Variants in CSMD1 observed in about 807,000 individuals in gnomAD.
CSMD1 encodes CUB and Sushi multiple domains 1.
In CSMD1, 213 loss-of-function variants were observed where a neutral mutation model predicts 417.5. That is an observed-to-expected ratio of 0.51 (90% confidence interval 0.46 to 0.57). The LOEUF is 0.57. Among genes scored for constraint, CSMD1 ranks in the 20% least tolerant of loss-of-function variants. CSMD1 has a pLI of 0.00. For synonymous variants in CSMD1, 2,862 were observed against 1,736.8 expected (o/e 1.65, Z -16.11); for missense variants, 6,923 against 4,529.7 (o/e 1.53, Z -15.17).
At chr8:4,566,685 T>C (rs1275371049) in intron 2 of CSMD1, among the ~76,000 whole-genome samples, 1 of 146,188 alleles carries the variant, frequency 6.8e-6, no homozygotes, top group Non-Finnish European at 1.5e-5. Context: ...AAAAGAAAGC[T>C]AGTTTTGGTA....
intron 4 of CSMD1, among the ~76,000 whole-genome samples, chr8:4,003,657 G>A (rs140458229): frequency 6.6e-6 from 1 of 152,038 alleles, no homozygotes; most frequent in Non-Finnish European, 1.5e-5. Flanking sequence ...TAAATACGAA[G>A]AGTAAAACTG....
intron 3 of CSMD1, among the ~76,000 whole-genome samples, chr8:4,162,655 A>G (rs1309532648): frequency 6.6e-6 from 1 of 152,202 alleles, no homozygotes; most frequent in Non-Finnish European, 1.5e-5. Flanking sequence ...TATGTCATGT[A>G]ACACCTGCTC....
intron 3 of CSMD1, among the ~76,000 whole-genome samples, chr8:4,236,053 T>TTG: frequency 2.2e-5 from 1 of 44,560 alleles, no homozygotes; most frequent in African/African-American, 5.8e-5. Context: ...TTTTTTTTTT[T>TTG]TTTTTTTTTT....
chr8:3,522,442 C>A (rs1797547194), intron 10 of CSMD1, among the ~76,000 whole-genome samples: 1 of 152,122 alleles, frequency 6.6e-6, no homozygotes, highest in Non-Finnish European at 1.5e-5. Flanking sequence ...TCGATTTCTC[C>A]AGGCAAAGAG....
At chr8:4,830,429 G>A (rs12546536) in intron 1 of CSMD1, among the ~76,000 whole-genome samples, 106,565 of 152,106 alleles carry the variant, frequency 0.7, 37,903 homozygotes, top group East Asian at 0.97. Context: ...TATGTTTGGA[G>A]GAACACTTAC....
intron 1 of CSMD1, among the ~76,000 whole-genome samples, chr8:4,971,978 G>C (rs966641004): frequency 6.6e-6 from 1 of 152,048 alleles, no homozygotes; most frequent in Non-Finnish European, 1.5e-5. Context: ...ACAGGTGTTA[G>C]TGATCAACAT....
At chr8:3,719,094 G>A (rs118079172) in intron 6 of CSMD1, among the ~76,000 whole-genome samples, 1 of 152,144 alleles carries the variant, frequency 6.6e-6, no homozygotes, top group Admixed American at 6.5e-5. Flanking sequence ...TGTCTCAGAC[G>A]ATTCGCAAAT....
At chr8:4,807,713 G>A (rs975408452) in intron 1 of CSMD1, among the ~76,000 whole-genome samples, 2 of 152,028 alleles carry the variant, frequency 1.3e-5, no homozygotes, top group Non-Finnish European at 2.9e-5. Context: ...ATGTTAAACT[G>A]AATAAAAATA....
intron 2 of CSMD1, among the ~76,000 whole-genome samples, chr8:4,557,618 G>A (rs1274033820): frequency 6.6e-6 from 1 of 151,994 alleles, no homozygotes; most frequent in African/African-American, 2.4e-5. Flanking sequence ...GGGGAAGGGG[G>A]ACAGCAGTAT....
At chr8:3,734,219 G>A (rs534304525) in intron 6 of CSMD1, among the ~76,000 whole-genome samples, 6 of 152,324 alleles carry the variant, frequency 3.9e-5, no homozygotes, top group African/African-American at 7.2e-5. Context: ...ATTTCACGAT[G>A]AGAATGGGAG....
chr8:4,451,451 C>G lies in CSMD1; in HGVS notation c.303-31386G>C, dbSNP rs145054203. 4.2e-4 allele frequency among the ~76,000 whole-genome samples: 64 copies of G among 152,298 alleles called. 2 individuals carry two copies. The East Asian group carries it at 0.012, about 29-fold the overall frequency. ...AAAAAGTGGTCAGAAAAGCTTATCA[C>G]TCTCATCAAGTCCCACTCTCCTAAA... On this transcript the variant is annotated intron_variant, in intron 2 of 69. Transcript: ENST00000635120.
At chr8:3,116,981 G>A (rs1195838530) in intron 42 of CSMD1, among the ~76,000 whole-genome samples, 1 of 151,986 alleles carries the variant, frequency 6.6e-6, no homozygotes, top group Non-Finnish European at 1.5e-5. Context: ...AATTTTAAGT[G>A]CTATTTTATA....
chr8:3,503,001 T>C (rs1585264488), intron 10 of CSMD1, among the ~76,000 whole-genome samples: 1 of 151,940 alleles, frequency 6.6e-6, no homozygotes, highest in South Asian at 2.1e-4. Flanking sequence ...GGGCAGGGGG[T>C]ACGGGGAAAC....
chr8:4,715,525 C>T (rs1808597129), intron 1 of CSMD1, among the ~76,000 whole-genome samples: 2 of 152,230 alleles, frequency 1.3e-5, no homozygotes, highest in South Asian at 4.2e-4. Context: ...ATCAGACTTC[C>T]CCTTTTAATT....
At position 4,180,568 on chromosome 8, in the gene CSMD1, A is replaced by G. The variant is rs181159825; in HGVS notation, c.416-148469T>C. On this transcript the variant is annotated intron_variant, in intron 3 of 69. Transcript: ENST00000635120. ...ATTGTGCACATGTACCCTAAAACTT[A>G]AAGTATAATAATAATTAAAAAAAGA... 1.4e-4 allele frequency among the ~76,000 whole-genome samples: 22 copies of G among 152,176 alleles called. No individual in the cohort carries two copies. In the East Asian group the frequency reaches 2.5e-3, roughly 17 times the overall value.
intron 12 of CSMD1, among the ~76,000 whole-genome samples, chr8:3,433,277 G>A (rs1814338106): frequency 6.6e-6 from 1 of 152,110 alleles, no homozygotes; most frequent in Non-Finnish European, 1.5e-5. Flanking sequence ...CTTATCTCCA[G>A]GTCTTCTGAC....
At chr8:3,852,662 C>T (rs1483208348) in intron 5 of CSMD1, among the ~76,000 whole-genome samples, 1 of 140,138 alleles carries the variant, frequency 7.1e-6, no homozygotes, top group Non-Finnish European at 1.5e-5. Context: ...TGAGGCAGGC[C>T]AAGATGAATG....
chr8:3,515,183 GA>G (rs1413906191), intron 10 of CSMD1: 1 of 152,160 alleles, frequency 6.6e-6, no homozygotes, highest in Non-Finnish European at 1.5e-5. Context: ...TACTCTCTAT[GA>G]AATTTTAAAG....
At chr8:3,230,846 G>C (rs1384233357) in intron 26 of CSMD1, among the ~76,000 whole-genome samples, 1 of 152,004 alleles carries the variant, frequency 6.6e-6, no homozygotes, top group Middle Eastern at 3.2e-3. Context: ...ATTAACAAAA[G>C]CTCTGAAAAT....
Sources: allele counts gnomAD v4.1 joint callset (sites outside exome capture counted in the v4.1 genomes callset), GRCh38; gene constraint gnomAD v4.1.1; transcripts MANE v1.5; gene names NCBI Gene and HGNC (gene_info 2026-07-23, HGNC 2026-07-21).